FOCAD: variants seen among roughly 807,000 people sequenced by gnomAD.
FOCAD encodes KIAA1797.
FOCAD carries 198 observed loss-of-function variants against 225.6 expected under a neutral mutation model. That is an observed-to-expected ratio of 0.88 (90% CI 0.78 to 0.99). The LOEUF (loss-of-function observed/expected upper bound fraction) is 0.99, where lower values mean the gene tolerates loss of function less well. Among genes scored for constraint, FOCAD ranks in the 50% least tolerant of loss-of-function variants. FOCAD has a pLI of 0.00. For synonymous variants in FOCAD, 897 were observed against 755.0 expected (o/e 1.19, Z -3.08); for missense variants, 2,713 against 2,123.6 (o/e 1.28, Z -5.46).
At chr9:20,680,218 C>T (rs1047531797), upstream of FOCAD, among the ~76,000 whole-genome samples, 1 of 152,172 alleles carries the variant, frequency 6.6e-6, no homozygotes, top group African/African-American at 2.4e-5. Context: ...ACTATTAGAA[C>T]CTGTTCTAAT....
intron 11 of FOCAD, among the ~76,000 whole-genome samples, chr9:20,794,645 C>T (rs1167288787): frequency 6.6e-6 from 1 of 152,074 alleles, no homozygotes; most frequent in East Asian, 1.9e-4. Context: ...AATATGTTTC[C>T]AGAACCTCAA....
chr9:20,937,325 A>C (rs1356732830), intron 28 of FOCAD, among the ~76,000 whole-genome samples: 1 of 151,546 alleles, frequency 6.6e-6, no homozygotes, highest in Non-Finnish European at 1.5e-5. Context: ...CTGACTTCAA[A>C]CTATACTACA....
intron 4 of FOCAD, among the ~76,000 whole-genome samples, chr9:20,720,753 C>T (rs901772062): frequency 2.6e-5 from 4 of 152,114 alleles, no homozygotes; most frequent in Admixed American, 2.6e-4. Context: ...TTTTGGGGCT[C>T]TACTTAAATT....
At chr9:20,799,581 G>A (rs533385849) in intron 11 of FOCAD, among the ~76,000 whole-genome samples, 22 of 152,262 alleles carry the variant, frequency 1.4e-4, no homozygotes, top group Non-Finnish European at 1.2e-4. Flanking sequence ...TTATTGAATT[G>A]ATCCCTTTAC....
intron 11 of FOCAD, among the ~76,000 whole-genome samples, chr9:20,806,679 C>T (rs1022000583): frequency 6.6e-6 from 1 of 152,122 alleles, no homozygotes; most frequent in East Asian, 1.9e-4. Flanking sequence ...TTTTTTACAT[C>T]GAATTCCATC....
chr9:20,720,425 G>A lies in FOCAD; in HGVS notation c.178G>A (p.Val60Ile). The change falls in exon 4 of 44, where the codon GTA (valine) becomes ATA (isoleucine). Residue 60 changes from valine to isoleucine, a missense_variant. Val to Ile is a conservative substitution (Grantham distance 29). Coordinates refer to ENST00000338382, the MANE Select transcript of FOCAD (RefSeq NM_001375567.1). ...LLWEKCCSDN[V>I]VVRTACCEGL... is the part of the protein sequence containing the mutation. Reference sequence around the variant, plus strand: ...GTGGGAGAAGTGTTGCAGTGACAATGTAGTGGTTCGAACAGCCTGCTGTGA... The same window carrying A: ...GTGGGAGAAGTGTTGCAGTGACAATATAGTGGTTCGAACAGCCTGCTGTGA... 5 of 1,614,122 alleles carry A rather than the reference G, an allele frequency of 3.1e-6. No individual in the cohort carries two copies. Among genetic ancestry groups the A allele is most frequent in the Non-Finnish European group, 4.2e-6 (5 of 1,179,996 alleles).
At chr9:20,993,651 G>T (rs1237194038) in intron 43 of FOCAD, among the ~76,000 whole-genome samples, 1 of 152,136 alleles carries the variant, frequency 6.6e-6, no homozygotes, top group African/African-American at 2.4e-5. Flanking sequence ...AAGTACTTAT[G>T]TGTGGAATTT....
At chr9:20,696,044 G>A (rs7848159) in intron 1 of FOCAD, among the ~76,000 whole-genome samples, 129,195 of 152,270 alleles carry the variant, frequency 0.85, 54,868 homozygotes, top group Admixed American at 0.89. Flanking sequence ...TTGCTGCATT[G>A]TTTTAGAAAT....
chr9:20,772,034 G>A (rs1022452213), intron 8 of FOCAD, among the ~76,000 whole-genome samples: 5 of 152,160 alleles, frequency 3.3e-5, no homozygotes, highest in Non-Finnish European at 7.3e-5. Flanking sequence ...TACATTTTGA[G>A]AGGACACAGT....
intron 26 of FOCAD, chr9:20,927,938 A>G (rs1327798891): frequency 8.5e-6 from 1 of 117,342 alleles, no homozygotes; most frequent in Non-Finnish European, 1.9e-5. Flanking sequence ...ATTTTTAACC[A>G]TAGTTGAGGT....
In FOCAD at chr9:20,859,540, T is replaced by G. The variant is rs202082000; in HGVS notation, c.1921-3038T>G. ...GATATAAGCTTATTTGTATTACAAG[T>G]TAAGTTAGAGAATTAATGTCTTTTA... On this transcript the variant is annotated intron_variant, in intron 15 of 43. Transcript: ENST00000338382. Among the ~76,000 whole-genome samples, 100 of 151,106 alleles carry G rather than the reference T, an allele frequency of 6.6e-4. 1 individual carries two copies. The East Asian group carries it at 0.018, about 27-fold the overall frequency.
intron 7 of FOCAD, among the ~76,000 whole-genome samples, chr9:20,767,366 T>C (rs1188192899): frequency 1.5e-5 from 2 of 133,766 alleles, no homozygotes; most frequent in African/African-American, 5.4e-5. Flanking sequence ...GGTCAAATGG[T>C]ATTTCTAGTT....
At chr9:20,973,385 C>CTT (rs1193012099) in intron 35 of FOCAD, among the ~76,000 whole-genome samples, 215 of 144,372 alleles carry the variant, frequency 1.5e-3, no homozygotes, top group Non-Finnish European at 2.2e-3. Flanking sequence ...CTTTCTGCAG[C>CTT]TTTTTTTTTT....
chr9:20,892,974 A>G (rs1831751794), intron 21 of FOCAD, among the ~76,000 whole-genome samples: 1 of 152,118 alleles, frequency 6.6e-6, no homozygotes, highest in African/African-American at 2.4e-5. Context: ...AGGAGTTGCC[A>G]AAGATTTATA....
chr9:20,905,604 C>T (rs571937559), intron 21 of FOCAD, among the ~76,000 whole-genome samples: 15 of 151,368 alleles, frequency 9.9e-5, no homozygotes, highest in Admixed American at 8.6e-4. Context: ...AAATAGGGCT[C>T]GAAGATAATT....
chr9:20,912,883 G>A lies in FOCAD; in HGVS notation c.2736G>A (p.Leu912=). The A allele has an allele frequency of 6.2e-7, 1 of 1,613,242 alleles. No homozygotes were observed. The highest frequency in any genetic ancestry group is 1.1e-5 in the South Asian group (1 of 91,060). The change falls in exon 23 of 44, where the codon CTG becomes CTA. Residue 912 remains leucine, a synonymous_variant. Transcript: ENST00000338382. ...HAILQGRLGE[L]ELQLKHGKEE... ...TTTTGCAGGGAAGACTAGGAGAGCT[G>A]GAGTTGCAGTTAAAACATGGAAAAG...
At chr9:20,675,810 A>G (rs894458875) in intron 2 of FOCAD, among the ~76,000 whole-genome samples, 1 of 143,560 alleles carries the variant, frequency 7.0e-6, no homozygotes, top group Non-Finnish European at 1.5e-5. Context: ...ATCAATAGTC[A>G]TGTACAAAAC....
intron 33 of FOCAD, among the ~76,000 whole-genome samples, chr9:20,949,989 AG>A (rs1837542909): frequency 6.6e-6 from 1 of 152,200 alleles, no homozygotes; most frequent in Admixed American, 6.5e-5. Flanking sequence ...AGGTGATCAA[AG>A]GGCATGGCAG....
chr9:20,725,339 T>C (rs1826108736), intron 4 of FOCAD, among the ~76,000 whole-genome samples: 1 of 152,230 alleles, frequency 6.6e-6, no homozygotes, highest in Non-Finnish European at 1.5e-5. Flanking sequence ...ACACCATGAT[T>C]GCTTATCTTT....
Sources: allele counts gnomAD v4.1 joint callset (sites outside exome capture counted in the v4.1 genomes callset), GRCh38; gene constraint gnomAD v4.1.1; transcripts MANE v1.5; gene names NCBI Gene and HGNC (gene_info 2026-07-23, HGNC 2026-07-21).